THSD4: variants seen among roughly 807,000 people sequenced by gnomAD.
The protein encoded by THSD4 is thrombospondin type 1 domain containing 4.
THSD4 carries 69 observed loss-of-function variants against 119.0 expected under a neutral mutation model. The ratio of observed to expected loss-of-function variants is 0.58; its 90% CI spans 0.48 to 0.71. The LOEUF (loss-of-function observed/expected upper bound fraction) is 0.71, where lower values mean the gene tolerates loss of function less well. Ranked by LOEUF, THSD4 falls within the 30% of genes least tolerant of loss-of-function variation. The pLI is 0.00. For synonymous variants in THSD4, 524 were observed against 540.4 expected, an observed-to-expected ratio of 0.97 and a Z score of 0.42; for missense variants, 1,393 against 1,391.1, an observed-to-expected ratio of 1.00 and a Z score of -0.02.
intron 4 of THSD4, among the ~76,000 whole-genome samples, chr15:71,241,299 T>G (rs531420912): frequency 6.6e-6 from 1 of 152,250 alleles, no homozygotes; most frequent in Admixed American, 6.5e-5. Flanking sequence ...TTGACTTACT[T>G]AAGTCCTTCC....
chr15:71,290,975 C>A (rs2044784749), intron 6 of THSD4, among the ~76,000 whole-genome samples: 3 of 151,654 alleles, frequency 2.0e-5, no homozygotes, highest in Admixed American at 2.0e-4. Context: ...CATATTCCCC[C>A]AAATTCCATC....
chr15:71,679,931 C>T (rs746014617), intron 8 of THSD4, among the ~76,000 whole-genome samples: 3 of 152,118 alleles, frequency 2.0e-5, no homozygotes, highest in Admixed American at 6.6e-5. Context: ...TAAATTTGAC[C>T]GTGTTAGAAA....
intron 6 of THSD4, among the ~76,000 whole-genome samples, chr15:71,316,180 T>C (rs1276601602): frequency 6.6e-6 from 1 of 152,184 alleles, no homozygotes; most frequent in African/African-American, 2.4e-5. Flanking sequence ...GAAACAGTCA[T>C]TTATGTCTGT....
intron 7 of THSD4, among the ~76,000 whole-genome samples, chr15:71,567,542 T>C (rs763074402): frequency 6.6e-6 from 1 of 151,758 alleles, no homozygotes; most frequent in Non-Finnish European, 1.5e-5. Context: ...AGTACCGCTA[T>C]AGGAGCATTA....
chr15:71,569,347 A>T (rs572309791), intron 7 of THSD4, among the ~76,000 whole-genome samples: 1 of 152,322 alleles, frequency 6.6e-6, no homozygotes, highest in Admixed American at 6.5e-5. Context: ...GGAGGACAGG[A>T]GAAAGAAACC....
intron 8 of THSD4, among the ~76,000 whole-genome samples, chr15:71,668,701 C>T (rs2051463871): frequency 6.6e-6 from 1 of 152,190 alleles, no homozygotes; most frequent in East Asian, 1.9e-4. Context: ...CACTCTCTGA[C>T]TCTGTAGAAC....
intron 7 of THSD4, among the ~76,000 whole-genome samples, chr15:71,529,919 A>G (rs550713868): frequency 5.9e-5 from 9 of 152,170 alleles, no homozygotes; most frequent in Admixed American, 2.0e-4. Context: ...GTTTGTTGGG[A>G]TATGCTCGGG....
intron 6 of THSD4, among the ~76,000 whole-genome samples, chr15:71,370,942 G>A (rs2046037777): frequency 6.6e-6 from 1 of 152,196 alleles, no homozygotes; most frequent in African/African-American, 2.4e-5. Context: ...CTAAGGACTT[G>A]CTTTATGAAT....
intron 1 of THSD4, among the ~76,000 whole-genome samples, chr15:71,139,944 T>C (rs1447786806): frequency 3.3e-5 from 5 of 152,268 alleles, no homozygotes; most frequent in African/African-American, 9.6e-5. Flanking sequence ...TTTACTACGT[T>C]GCAACCAACC....
At chr15:71,205,662 G>A (rs890022904) in intron 3 of THSD4, among the ~76,000 whole-genome samples, 2 of 152,192 alleles carry the variant, frequency 1.3e-5, no homozygotes, top group South Asian at 4.2e-4. Flanking sequence ...TTGTGCTCCC[G>A]TCTTCCATAC....
intron 7 of THSD4, among the ~76,000 whole-genome samples, chr15:71,430,160 T>C (rs2046922745): frequency 6.6e-6 from 1 of 152,132 alleles, no homozygotes; most frequent in South Asian, 2.1e-4. Context: ...AAAAAAGAAA[T>C]TTTAATTTTT....
rs534491475 is a variant in THSD4 at position 71,430,681 on chromosome 15, C to T, written c.1152+18858C>T. Among the ~76,000 whole-genome samples, 51 of 137,376 alleles carry T rather than the reference C, an allele frequency of 3.7e-4. No homozygotes were observed. In the South Asian group the frequency reaches 7.4e-3, roughly 20 times the overall value. 90.1% of individuals were successfully genotyped at this position (137,376 alleles called of 152,430 possible). On this transcript the variant is annotated intron_variant, in intron 7 of 17. Coordinates refer to ENST00000261862, the MANE Select transcript of THSD4 (RefSeq NM_024817.3). Reference sequence around the variant, plus strand: ...CTGAGGCACAAGAATCACTTGAACCCGGGAGGTGGAGGTTGCAGTGAGCCG... The same window carrying T: ...CTGAGGCACAAGAATCACTTGAACCTGGGAGGTGGAGGTTGCAGTGAGCCG...
chr15:71,497,406 G>A (rs2048037042), intron 7 of THSD4, among the ~76,000 whole-genome samples: 1 of 152,020 alleles, frequency 6.6e-6, no homozygotes, highest in African/African-American at 2.4e-5. Context: ...CCAGCTACTT[G>A]GGAAGCTGAG....
intron 7 of THSD4, among the ~76,000 whole-genome samples, chr15:71,450,827 T>C (rs2047253840): frequency 1.3e-5 from 2 of 152,000 alleles, no homozygotes; most frequent in African/African-American, 4.8e-5. Flanking sequence ...AATATGAGAC[T>C]CAAAGAAGGG....
At chr15:71,551,639 A>C (rs1343856886) in intron 7 of THSD4, among the ~76,000 whole-genome samples, 1 of 152,190 alleles carries the variant, frequency 6.6e-6, no homozygotes, top group Non-Finnish European at 1.5e-5. Flanking sequence ...ACGAGATGGA[A>C]GCTCCCGAGG....
intron 10 of THSD4, 53 bp downstream of exon 10, chr15:71,731,270 TTCTC>T (rs2052975277): frequency 6.5e-7 from 1 of 1,538,246 alleles, no homozygotes; most frequent in Non-Finnish European, 9.0e-7. Flanking sequence ...TTGTAAAGCC[TTCTC>T]TCTCTCAATT....
chr15:71,520,014 C>A (rs576503297), intron 7 of THSD4, among the ~76,000 whole-genome samples: 2 of 152,146 alleles, frequency 1.3e-5, no homozygotes, highest in East Asian at 3.8e-4. Flanking sequence ...TGAACATGTA[C>A]TGTCTGTCTA....
intron 4 of THSD4, among the ~76,000 whole-genome samples, chr15:71,242,111 C>T (rs117236152): frequency 1.3e-5 from 2 of 152,180 alleles, no homozygotes; most frequent in Non-Finnish European, 2.9e-5. Flanking sequence ...TGGGACTGCA[C>T]TAGAATTTGG....
chr15:71,498,109 T>C (rs2048054956), intron 7 of THSD4, among the ~76,000 whole-genome samples: 2 of 152,224 alleles, frequency 1.3e-5, no homozygotes, highest in African/African-American at 4.8e-5. Flanking sequence ...AATTTAATGA[T>C]TAAGTAATTT....
Sources: allele counts gnomAD v4.1 joint callset (sites outside exome capture counted in the v4.1 genomes callset), GRCh38; gene constraint gnomAD v4.1.1; transcripts MANE v1.5; gene names NCBI Gene and HGNC (gene_info 2026-07-23, HGNC 2026-07-21).